ADCY5: variants seen among roughly 807,000 people sequenced by gnomAD.
ADCY5 encodes adenylate cyclase type 5.
A neutral mutation model predicts 119.7 loss-of-function variants in ADCY5; 30 were observed. The observed-to-expected ratio is 0.25, with a 90% CI of 0.19 to 0.34. ADCY5 has a LOEUF of 0.34. Ranked by LOEUF, ADCY5 falls within the 10% of genes least tolerant of loss-of-function variation. The pLI, the probability that ADCY5 is intolerant of heterozygous loss-of-function variation, is 1.00. For synonymous variants in ADCY5, 753 were observed against 762.2 expected (o/e 0.99, Z 0.20); for missense variants, 1,324 against 1,775.2 (o/e 0.75, Z 4.57).
intron 1 of ADCY5, among the ~76,000 whole-genome samples, chr3:123,390,048 C>T (rs1388678665): frequency 6.6e-6 from 1 of 152,150 alleles, no homozygotes; most frequent in African/African-American, 2.4e-5. Context: ...AGCAGGTGTT[C>T]CCGGTGATGG....
intron 16 of ADCY5, 180 bp downstream of exon 16, chr3:123,297,173 G>A: frequency 1.0e-5 from 14 of 1,349,724 alleles, no homozygotes; most frequent in Non-Finnish European, 1.2e-5. Flanking sequence ...AGTGACCAGG[G>A]CCTCTGCCCC....
In ADCY5 at chr3:123,447,880, C is replaced by A; in HGVS notation, c.666G>T (p.Pro222=). Residue 222 remains proline, a synonymous_variant, in exon 1 of 21, where the codon CCG becomes CCT. Coordinates refer to ENST00000462833, the MANE Select transcript of ADCY5 (RefSeq NM_183357.3). ...GGTACAGCCGCTCCAGTTTGTCCGA[C>A]GGGAACTTCTTGGAGCGGAATATCT... ...LLQIFRSKKF[P]SDKLERLYQR... 6.2e-7 allele frequency: 1 copy of A among 1,612,398 alleles called. No individual in the cohort carries two copies. Among genetic ancestry groups the A allele is most frequent in the South Asian group, 1.1e-5 (1 of 91,058 alleles).
intron 1 of ADCY5, among the ~76,000 whole-genome samples, chr3:123,435,887 ATTAT>A (rs1945603664): frequency 6.9e-6 from 1 of 144,660 alleles, no homozygotes; most frequent in Non-Finnish European, 1.5e-5. Context: ...TATTATTATT[ATTAT>A]TATTATTATT....
At chr3:123,304,692 G>A (rs571313831) in intron 12 of ADCY5, among the ~76,000 whole-genome samples, 1 of 152,202 alleles carries the variant, frequency 6.6e-6, no homozygotes, top group East Asian at 1.9e-4. Flanking sequence ...GGAGGTGGGT[G>A]TGGCCCTGAG....
intron 12 of ADCY5, among the ~76,000 whole-genome samples, chr3:123,311,774 CTGGA>C (rs1312210413): frequency 6.6e-6 from 1 of 152,072 alleles, no homozygotes; most frequent in Non-Finnish European, 1.5e-5. Flanking sequence ...GGCTCCCTGG[CTGGA>C]TGGTGTGGGA....
chr3:123,327,489 T>C (rs779627802), intron 7 of ADCY5, 129 bp downstream of exon 7: 5 of 1,031,466 alleles, frequency 4.8e-6, no homozygotes, highest in Non-Finnish European at 5.5e-6. Flanking sequence ...CTTTTTAAGA[T>C]GCAGGAACCG....
intron 3 of ADCY5, 63 bp from the exon 4 acceptor site, chr3:123,332,738 ATACAT>A: frequency 2.8e-6 from 3 of 1,071,680 alleles, no homozygotes; most frequent in Admixed American, 1.9e-5. Flanking sequence ...TCCCAAATTC[ATACAT>A]TACATCTTTT....
At chr3:123,345,321 C>T (rs761167708) in intron 3 of ADCY5, among the ~76,000 whole-genome samples, 4 of 152,208 alleles carry the variant, frequency 2.6e-5, no homozygotes, top group Non-Finnish European at 5.9e-5. Context: ...CTGTGTTGGC[C>T]GAGGCAGGCT....
chr3:123,413,308 C>T (rs1012036810), intron 1 of ADCY5, among the ~76,000 whole-genome samples: 5 of 152,208 alleles, frequency 3.3e-5, no homozygotes, highest in African/African-American at 7.2e-5. Context: ...AGGAGCACTT[C>T]CCGTCCCTGA....
intron 1 of ADCY5, among the ~76,000 whole-genome samples, chr3:123,412,448 C>T (rs892648992): frequency 1.3e-5 from 2 of 152,236 alleles, no homozygotes; most frequent in African/African-American, 4.8e-5. Flanking sequence ...ACCATGTACA[C>T]TGGGGTTCCC....
intron 1 of ADCY5, among the ~76,000 whole-genome samples, chr3:123,372,050 T>C (rs1943661728): frequency 6.6e-6 from 1 of 152,184 alleles, no homozygotes; most frequent in Non-Finnish European, 1.5e-5. Flanking sequence ...CCTTGTTCAT[T>C]CAGCTGGTGT....
chr3:123,346,133 G>A (rs1382085976), intron 3 of ADCY5, among the ~76,000 whole-genome samples: 1 of 152,256 alleles, frequency 6.6e-6, no homozygotes, highest in Admixed American at 6.5e-5. Context: ...CTCTGCGTAG[G>A]TGTGACCTCT....
At chr3:123,405,858 C>A (rs115971998) in intron 1 of ADCY5, among the ~76,000 whole-genome samples, 1,692 of 152,266 alleles carry the variant, frequency 0.011, 43 homozygotes, top group African/African-American at 0.039. Flanking sequence ...TGGTCTAAAA[C>A]TACTGGCCTC....
chr3:123,431,293 C>T (rs752267557), intron 1 of ADCY5, among the ~76,000 whole-genome samples: 8 of 152,164 alleles, frequency 5.3e-5, no homozygotes, highest in Non-Finnish European at 8.8e-5. Context: ...CAATTTCTCC[C>T]TACTCAACAG....
intron 12 of ADCY5, among the ~76,000 whole-genome samples, chr3:123,309,250 GA>G (rs1940410247): frequency 6.6e-6 from 1 of 152,170 alleles, no homozygotes; most frequent in Non-Finnish European, 1.5e-5. Context: ...AACAGTTTAA[GA>G]ATACAGCCTC....
chr3:123,314,134 A>C, intron 12 of ADCY5, 101 bp downstream of exon 12: 1 of 893,386 alleles, frequency 1.1e-6, no homozygotes, highest in Non-Finnish European at 1.7e-6. Flanking sequence ...TGCCAAGCAC[A>C]ATACTCGGGC....
intron 3 of ADCY5, among the ~76,000 whole-genome samples, chr3:123,346,790 G>A (rs534314258): frequency 6.6e-6 from 1 of 152,284 alleles, no homozygotes; most frequent in South Asian, 2.1e-4. Context: ...CTTGCCTGGG[G>A]AGAAGGAACT....
intron 1 of ADCY5, chr3:123,419,058 G>A (rs576570282): frequency 3.8e-6 from 3 of 792,250 alleles, no homozygotes; most frequent in Non-Finnish European, 4.6e-6. Flanking sequence ...TCTCCGTAAC[G>A]GCATGAGCCA....
intron 1 of ADCY5, among the ~76,000 whole-genome samples, chr3:123,429,227 T>A (rs1385073561): frequency 6.6e-6 from 1 of 152,242 alleles, no homozygotes; most frequent in Non-Finnish European, 1.5e-5. Context: ...CAAAGCCTCC[T>A]GTTTCCTCTC....
Sources: gnomAD v4.1 joint callset for allele counts (sites outside exome capture counted in the v4.1 genomes callset) on GRCh38, gnomAD v4.1.1 for gene constraint, MANE v1.5 for transcripts, NCBI Gene and HGNC (gene_info 2026-07-23, HGNC 2026-07-21) for gene names.